Variants in FAM13B observed in about 807,000 individuals in gnomAD.
The protein encoded by FAM13B is family with sequence similarity 13 member B.
In FAM13B, 60 loss-of-function variants were observed where a neutral mutation model predicts 117.3. The observed-to-expected ratio is 0.51, with a 90% CI of 0.42 to 0.63. The LOEUF is 0.63. Ranked by LOEUF, FAM13B falls within the 30% of genes least tolerant of loss-of-function variation. The pLI is 0.00. For missense variants in FAM13B, 972 were observed against 1,091.9 expected, an observed-to-expected ratio of 0.89 and a Z score of 1.55; for synonymous variants, 332 against 356.1, an observed-to-expected ratio of 0.93 and a Z score of 0.76.
intron 7 of FAM13B, among the ~76,000 whole-genome samples, chr5:137,993,219 C>T (rs1226024935): frequency 1.3e-5 from 2 of 152,144 alleles, no homozygotes; most frequent in African/African-American, 4.8e-5. Context: ...TTTTGAGAGC[C>T]ACTGGGGTGC....
intron 7 of FAM13B, among the ~76,000 whole-genome samples, chr5:137,990,162 T>C (rs368359884): frequency 6.6e-6 from 1 of 152,250 alleles, no homozygotes; most frequent in South Asian, 2.1e-4. Context: ...TAAATCTTTA[T>C]GTGGTGCGAT....
intron 20 of FAM13B, 74 bp downstream of exon 20, chr5:137,945,828 C>G: frequency 9.2e-7 from 1 of 1,090,290 alleles, no homozygotes; most frequent in Non-Finnish European, 1.4e-6. Flanking sequence ...TCCAATATAC[C>G]ACAATAATAA....
chr5:137,960,422 T>C (rs184686724), intron 11 of FAM13B, among the ~76,000 whole-genome samples: 2 of 152,088 alleles, frequency 1.3e-5, no homozygotes, highest in East Asian at 3.9e-4. Context: ...TCACTTCGGG[T>C]TTAGAAAAAT....
In FAM13B at chr5:137,939,706, T is replaced by C. The variant is rs1449632667; in HGVS notation, c.*519A>G. 4.0e-6 allele frequency: 1 copy of C among 248,422 alleles called. No homozygotes were observed. The highest frequency in any genetic ancestry group is 2.3e-5 in the African/African-American group (1 of 43,332). 15.4% of individuals were successfully genotyped at this position (248,422 alleles called of 1,614,324 possible). A position where few individuals can be genotyped will look rare whatever the true frequency, so the allele number is the denominator to read the frequency against. ...CAGAAAGGTGTTCCATAGTACGACT[T>C]GAAATCTCAGTTTGATTTTGGTTTT... On this transcript the variant is annotated 3_prime_UTR_variant, in exon 24 of 24. Transcript: ENST00000689681.
chr5:137,972,337 T>C (rs1161950605), intron 10 of FAM13B, among the ~76,000 whole-genome samples: 18 of 151,976 alleles, frequency 1.2e-4, no homozygotes, highest in African/African-American at 4.3e-4. Context: ...TAATCCAGCA[T>C]ATAAACAGAA....
intron 10 of FAM13B, among the ~76,000 whole-genome samples, chr5:137,976,131 T>C (rs1426431968): frequency 1.3e-5 from 2 of 151,978 alleles, no homozygotes; most frequent in South Asian, 2.1e-4. Context: ...TAATTTTTCG[T>C]ATTTTTGTAG....
chr5:137,986,367 C>CA (rs1777203588), intron 9 of FAM13B, among the ~76,000 whole-genome samples: 1 of 150,190 alleles, frequency 6.7e-6, no homozygotes, highest in South Asian at 2.1e-4. Flanking sequence ...CCCCAATTAT[C>CA]TTTTTTTTTC....
intron 13 of FAM13B, among the ~76,000 whole-genome samples, chr5:137,957,406 G>C (rs1766883153): frequency 6.6e-6 from 1 of 151,966 alleles, no homozygotes; most frequent in South Asian, 2.1e-4. Context: ...CGGGTGTAGT[G>C]GCACATGTCT....
At chr5:137,989,525 A>G (rs1290936176) in intron 7 of FAM13B, among the ~76,000 whole-genome samples, 15 of 152,100 alleles carry the variant, frequency 9.9e-5, no homozygotes, top group Admixed American at 9.8e-4. Context: ...ACCAATATTC[A>G]CACTTAAAGA....
chr5:138,025,630 T>C (rs558534470), intron 1 of FAM13B, among the ~76,000 whole-genome samples: 3 of 152,106 alleles, frequency 2.0e-5, no homozygotes, highest in Non-Finnish European at 1.5e-5. Context: ...TACACATACA[T>C]AGTAGCAGCA....
chr5:138,015,965 T>C lies in FAM13B; in HGVS notation c.370+2337A>G, dbSNP rs549056436. Among the ~76,000 whole-genome samples, 43 of 152,372 alleles carry C rather than the reference T, an allele frequency of 2.8e-4. No individual in the cohort carries two copies. The South Asian group carries it at 5.4e-3, about 19-fold the overall frequency. ...ATAGAAGAAAACAGTGAATTTCTCATATTAAACATGAAAGCACTTATTGAC... is the reference window on the plus strand; with the variant it reads ...ATAGAAGAAAACAGTGAATTTCTCACATTAAACATGAAAGCACTTATTGAC... On this transcript the variant is annotated intron_variant, in intron 4 of 23. Transcript: ENST00000689681.
chr5:138,025,089 G>C (rs2151021409), intron 1 of FAM13B, among the ~76,000 whole-genome samples: 1 of 151,694 alleles, frequency 6.6e-6, no homozygotes, highest in South Asian at 2.1e-4. Flanking sequence ...GGCCAGGCTG[G>C]TATCGAACTC....
At chr5:137,997,411 G>A (rs975559515) in intron 7 of FAM13B, among the ~76,000 whole-genome samples, 41 of 152,160 alleles carry the variant, frequency 2.7e-4, no homozygotes, top group Admixed American at 2.2e-3. Context: ...GGAGGTTGCG[G>A]TGAGCTGAGA....
At chr5:137,975,115 G>A (rs1401311992) in intron 10 of FAM13B, among the ~76,000 whole-genome samples, 1 of 152,056 alleles carries the variant, frequency 6.6e-6, no homozygotes, top group East Asian at 1.9e-4. Flanking sequence ...AAAGTTTGCT[G>A]ACTCCTGCTC....
intron 10 of FAM13B, among the ~76,000 whole-genome samples, chr5:137,964,275 A>G (rs1416322321): frequency 6.6e-6 from 1 of 151,704 alleles, no homozygotes; most frequent in Non-Finnish European, 1.5e-5. Context: ...TGAATAGGGT[A>G]ATTTTTTTGT....
intron 7 of FAM13B, among the ~76,000 whole-genome samples, chr5:137,996,894 A>G (rs935062930): frequency 3.9e-5 from 6 of 152,146 alleles, no homozygotes; most frequent in Non-Finnish European, 8.8e-5. Flanking sequence ...AGCCCAGCCC[A>G]ATTTTTCATC....
At chr5:137,965,308 G>A (rs1335443965) in intron 10 of FAM13B, among the ~76,000 whole-genome samples, 1 of 152,208 alleles carries the variant, frequency 6.6e-6, no homozygotes, top group Non-Finnish European at 1.5e-5. Flanking sequence ...TCTCAATTCA[G>A]GTAAGTTAGA....
chr5:137,956,981 T>G (rs1452152898), intron 13 of FAM13B, among the ~76,000 whole-genome samples: 8 of 152,222 alleles, frequency 5.3e-5, no homozygotes, highest in Non-Finnish European at 5.9e-5. Context: ...AAGTCAAAAC[T>G]TTGCAAACAG....
intron 13 of FAM13B, 85 bp downstream of exon 13, chr5:137,959,531 A>T: frequency 7.2e-7 from 1 of 1,383,026 alleles, no homozygotes; most frequent in South Asian, 1.3e-5. Flanking sequence ...GTTATCCAGA[A>T]AAGGGCTGTA....
Sources: allele counts gnomAD v4.1 joint callset (sites outside exome capture counted in the v4.1 genomes callset), GRCh38; gene constraint gnomAD v4.1.1; transcripts MANE v1.5; gene names NCBI Gene and HGNC (gene_info 2026-07-23, HGNC 2026-07-21).